GUCY1A2: variants seen among roughly 807,000 people sequenced by gnomAD.
GUCY1A2 encodes guanylate cyclase 1 soluble subunit alpha 2.
A neutral mutation model predicts 63.5 loss-of-function variants in GUCY1A2; 27 were observed. The observed-to-expected ratio is 0.43, with a 90% CI of 0.31 to 0.59. The LOEUF is 0.59. Ranked by LOEUF, GUCY1A2 falls within the 20% of genes least tolerant of loss-of-function variation. The pLI is 0.11. For synonymous variants in GUCY1A2, 364 were observed against 343.5 expected (o/e 1.06, Z -0.66); for missense variants, 768 against 913.3 (o/e 0.84, Z 2.05).
intron 4 of GUCY1A2, among the ~76,000 whole-genome samples, chr11:106,900,344 C>T (rs1038202258): frequency 7.9e-5 from 12 of 152,226 alleles, no homozygotes; most frequent in African/African-American, 2.9e-4. Flanking sequence ...CCCCCACACC[C>T]AGCTAATTTT....
chr11:106,779,676 T>G (rs182447213), intron 5 of GUCY1A2, among the ~76,000 whole-genome samples: 75 of 152,288 alleles, frequency 4.9e-4, no homozygotes, highest in African/African-American at 1.8e-3. Flanking sequence ...TGCATTGAAT[T>G]CCATTAAATA....
intron 3 of GUCY1A2, among the ~76,000 whole-genome samples, chr11:106,964,997 T>C (rs1351815534): frequency 1.3e-5 from 2 of 151,818 alleles, no homozygotes; most frequent in Non-Finnish European, 2.9e-5. Context: ...GAAAAATATA[T>C]ATTTTTTAAT....
chr11:106,876,108 A>G (rs972100477), intron 4 of GUCY1A2, among the ~76,000 whole-genome samples: 2 of 152,158 alleles, frequency 1.3e-5, no homozygotes, highest in Non-Finnish European at 2.9e-5. Flanking sequence ...GGAAGAATTC[A>G]CTAATATCAC....
chr11:106,817,225 A>T (rs1858844063), intron 4 of GUCY1A2, among the ~76,000 whole-genome samples: 1 of 152,108 alleles, frequency 6.6e-6, no homozygotes, highest in Non-Finnish European at 1.5e-5. Flanking sequence ...CAAATTAAAC[A>T]ATCACAATAT....
chr11:106,986,799 G>A (rs1442801417), intron 1 of GUCY1A2, among the ~76,000 whole-genome samples: 2 of 152,134 alleles, frequency 1.3e-5, no homozygotes, highest in African/African-American at 4.8e-5. Flanking sequence ...TCAAGCAAAG[G>A]TTCTTTCTGG....
rs889067796 is a variant in GUCY1A2 at position 106,675,367 on chromosome 11, C to G, written c.*12182G>C. The G allele has an allele frequency of 1.0e-5, 2 of 195,920 alleles. No individual in the cohort carries two copies. The highest frequency in any genetic ancestry group is 1.2e-4 in the Admixed American group (2 of 16,330). 12.1% of individuals were successfully genotyped at this position (195,920 alleles called of 1,614,324 possible). ...CCATGGACCATTATTCTATTTGAAC[C>G]TAACCTGAATTCCCTCATAGTCAAA... On this transcript the variant is annotated 3_prime_UTR_variant, in exon 8 of 8. Transcript: ENST00000526355.
At chr11:106,780,098 C>A (rs1247267240) in intron 5 of GUCY1A2, among the ~76,000 whole-genome samples, 1 of 152,098 alleles carries the variant, frequency 6.6e-6, no homozygotes, top group Admixed American at 6.5e-5. Flanking sequence ...GAGATCAAGG[C>A]TGCAGTGGGC....
rs1591229672 is a variant in GUCY1A2, at chr11:106,686,736, T to C, written c.*813A>G. 4.9e-6 allele frequency: 1 copy of C among 203,302 alleles called. No homozygotes were observed. The highest frequency in any genetic ancestry group is 7.5e-5 in the East Asian group (1 of 13,306). 12.6% of individuals were successfully genotyped at this position (203,302 alleles called of 1,614,324 possible). On this transcript the variant is annotated 3_prime_UTR_variant, in exon 8 of 8. Coordinates refer to ENST00000526355, the MANE Select transcript of GUCY1A2 (RefSeq NM_000855.3). ...AAAAAGACCTTTCTTTAATCTTGGTTACAGATACATCTGGTGTTAGGAAAT... is the reference window on the plus strand; with the variant it reads ...AAAAAGACCTTTCTTTAATCTTGGTCACAGATACATCTGGTGTTAGGAAAT...
intron 7 of GUCY1A2, among the ~76,000 whole-genome samples, chr11:106,690,027 C>T (rs1355409096): frequency 6.6e-6 from 1 of 151,094 alleles, no homozygotes; most frequent in African/African-American, 2.4e-5. Flanking sequence ...ATAACAGATG[C>T]TGGCAAGGTT....
At chr11:106,850,795 A>G (rs1405174216) in intron 4 of GUCY1A2, among the ~76,000 whole-genome samples, 1 of 151,894 alleles carries the variant, frequency 6.6e-6, no homozygotes, top group Non-Finnish European at 1.5e-5. Flanking sequence ...TCGTGCTGTA[A>G]TAAACATGTG....
At chr11:106,826,188 TATTGG>T (rs1167815081) in intron 4 of GUCY1A2, among the ~76,000 whole-genome samples, 5 of 152,236 alleles carry the variant, frequency 3.3e-5, no homozygotes, top group Admixed American at 3.3e-4. Context: ...GTCAGTGTTG[TATTGG>T]AAAGATATAT....
At chr11:106,962,453 G>A (rs1226959207) in intron 3 of GUCY1A2, among the ~76,000 whole-genome samples, 2 of 151,636 alleles carry the variant, frequency 1.3e-5, no homozygotes, top group African/African-American at 4.9e-5. Context: ...TACTTGGGAG[G>A]CTGAGGCAGG....
At chr11:106,750,101 AG>A (rs1863857977) in intron 6 of GUCY1A2, among the ~76,000 whole-genome samples, 1 of 152,144 alleles carries the variant, frequency 6.6e-6, no homozygotes, top group African/African-American at 2.4e-5. Flanking sequence ...TGCAGCCTTC[AG>A]TCTGCTGCAG....
intron 4 of GUCY1A2, among the ~76,000 whole-genome samples, chr11:106,874,138 T>C (rs1263998823): frequency 6.6e-6 from 1 of 152,192 alleles, no homozygotes; most frequent in Non-Finnish European, 1.5e-5. Flanking sequence ...CTTTGATGTC[T>C]AGCACAATGT....
At chr11:106,883,817 G>A (rs1321696822) in intron 4 of GUCY1A2, among the ~76,000 whole-genome samples, 1 of 152,032 alleles carries the variant, frequency 6.6e-6, no homozygotes, top group African/African-American at 2.4e-5. Flanking sequence ...TGAGTCAGGT[G>A]TTGAAAGTGT....
chr11:106,852,087 A>G lies in GUCY1A2; in HGVS notation c.1207-41609T>C, dbSNP rs79817312. ...CACCCCTTTTGTTTAATTTATTCCTAGGTATTTTTTGTAGCTATTGTAAAT... is the reference window on the plus strand; with the variant it reads ...CACCCCTTTTGTTTAATTTATTCCTGGGTATTTTTTGTAGCTATTGTAAAT... On this transcript the variant is annotated intron_variant, in intron 4 of 7. Coordinates refer to ENST00000526355, the MANE Select transcript of GUCY1A2 (RefSeq NM_000855.3). Among the ~76,000 whole-genome samples, 135 of 151,946 alleles carry G rather than the reference A, an allele frequency of 8.9e-4. 2 individuals carry two copies. The East Asian group carries it at 0.023, about 26-fold the overall frequency.
At chr11:106,942,091 A>G (rs1860759393) in intron 3 of GUCY1A2, among the ~76,000 whole-genome samples, 1 of 152,220 alleles carries the variant, frequency 6.6e-6, no homozygotes, top group Admixed American at 6.5e-5. Flanking sequence ...GAAAACAAAG[A>G]CAGACAATAT....
intron 4 of GUCY1A2, among the ~76,000 whole-genome samples, chr11:106,840,203 G>T (rs950067124): frequency 6.6e-6 from 1 of 151,892 alleles, no homozygotes; most frequent in Admixed American, 6.6e-5. Flanking sequence ...TGGAAGAAAA[G>T]AAGCACTATT....
rs1032382602 is a variant in GUCY1A2 at position 106,680,309 on chromosome 11, G to C, written c.*7240C>G. The C allele has an allele frequency of 4.8e-6, 1 of 207,372 alleles. No individual in the cohort carries two copies. 12.8% of individuals were successfully genotyped at this position (207,372 alleles called of 1,614,324 possible). On this transcript the variant is annotated 3_prime_UTR_variant, in exon 8 of 8. Transcript: ENST00000526355. ...GATATAGGTTTAATGACATTTAATA[G>C]ACCACAGTAAAAATATATTAAGTAG...
Sources: gnomAD v4.1 joint callset for allele counts (sites outside exome capture counted in the v4.1 genomes callset) on GRCh38, gnomAD v4.1.1 for gene constraint, MANE v1.5 for transcripts, NCBI Gene and HGNC (gene_info 2026-07-23, HGNC 2026-07-21) for gene names.